WDR64: variants seen among roughly 807,000 people sequenced by gnomAD.
WDR64 encodes WD repeat-containing protein 64.
WDR64 carries 112 observed loss-of-function variants against 139.3 expected under a neutral mutation model. The ratio of observed to expected loss-of-function variants is 0.80; its 90% confidence interval spans 0.69 to 0.94. The LOEUF (loss-of-function observed/expected upper bound fraction) is 0.94, where lower values mean the gene tolerates loss of function less well. Ranked by LOEUF, WDR64 falls within the 40% of genes least tolerant of loss-of-function variation. WDR64 has a pLI of 0.00. For synonymous variants in WDR64, 444 were observed against 437.7 expected (o/e 1.01, Z -0.18); for missense variants, 1,206 against 1,293.1 (o/e 0.93, Z 1.03).
rs200109268 is a variant in WDR64, at chr1:241,789,903, T to C, written c.2892-688T>C. Among the ~76,000 whole-genome samples, 9 of 152,234 alleles carry C rather than the reference T, an allele frequency of 5.9e-5. No homozygotes were observed. In the East Asian group the frequency reaches 1.5e-3, roughly 26 times the overall value. ...TTAAATAAAAGTTAAAAAAAATAGTTATGACTTTCTAAATATATACATAAT... is the reference window on the plus strand; with the variant it reads ...TTAAATAAAAGTTAAAAAAAATAGTCATGACTTTCTAAATATATACATAAT... On this transcript the variant is annotated intron_variant, in intron 24 of 27. Transcript: ENST00000437684.
At chr1:241,655,158 G>C (rs569214853) in intron 1 of WDR64, among the ~76,000 whole-genome samples, 114 of 152,172 alleles carry the variant, frequency 7.5e-4, no homozygotes, top group Non-Finnish European at 1.3e-3. Flanking sequence ...GCCAAGGTGG[G>C]CGGATCACGA....
At chr1:241,766,188 T>C in intron 15 of WDR64, 30 bp from the exon 16 acceptor site, 1 of 1,610,002 alleles carries the variant, frequency 6.2e-7, no homozygotes, top group Non-Finnish European at 8.5e-7. Flanking sequence ...AATACTATAT[T>C]TATGGTGTTC....
At chr1:241,747,185 G>A (rs1358602655) in intron 13 of WDR64, among the ~76,000 whole-genome samples, 1 of 152,204 alleles carries the variant, frequency 6.6e-6, no homozygotes. Context: ...ATGAAGGTTA[G>A]CACAAGGAAG....
At chr1:241,775,491 T>C (rs1658627584) in intron 21 of WDR64, among the ~76,000 whole-genome samples, 1 of 152,200 alleles carries the variant, frequency 6.6e-6, no homozygotes, top group South Asian at 2.1e-4. Flanking sequence ...CTTACTTTTT[T>C]GGAAAAAATA....
At chr1:241,749,832 A>C in intron 14 of WDR64, 110 bp downstream of exon 14, 2 of 1,260,964 alleles carry the variant, frequency 1.6e-6, no homozygotes, top group Non-Finnish European at 1.1e-6. Flanking sequence ...CCAGCTGAAG[A>C]TGGTATTTAT....
chr1:241,770,089 G>A (rs567976975), intron 17 of WDR64, among the ~76,000 whole-genome samples: 1 of 152,316 alleles, frequency 6.6e-6, no homozygotes, highest in East Asian at 1.9e-4. Context: ...GTCACCCAGA[G>A]GTGAGCCAGA....
At chr1:241,691,961 C>T (rs534442649) in intron 8 of WDR64, among the ~76,000 whole-genome samples, 28 of 150,934 alleles carry the variant, frequency 1.9e-4, no homozygotes, top group African/African-American at 6.6e-4. Context: ...TGCCGTAAGC[C>T]GAGATTGTGC....
rs1574015704 is a variant in WDR64, at chr1:241,695,473, A to G, written c.974+7878A>G. Among the ~76,000 whole-genome samples the G allele has an allele frequency of 2.6e-5, 4 of 152,332 alleles. No homozygotes were observed. The South Asian group carries it at 8.3e-4, about 32-fold the overall frequency. On this transcript the variant is annotated intron_variant, in intron 8 of 27. Transcript: ENST00000437684. ...TGCAGCTGAATATTACACATTTACC[A>G]GCACATCATTACATGGGATGATAAT...
chr1:241,709,358 C>A (rs1668077576), intron 8 of WDR64, among the ~76,000 whole-genome samples: 1 of 152,064 alleles, frequency 6.6e-6, no homozygotes, highest in Non-Finnish European at 1.5e-5. Context: ...TTCATTCTTG[C>A]CCGAGGTCTA....
chr1:241,720,538 A>G (rs1362327544), intron 9 of WDR64, among the ~76,000 whole-genome samples: 1 of 152,006 alleles, frequency 6.6e-6, no homozygotes, highest in Non-Finnish European at 1.5e-5. Flanking sequence ...TTTGATTTGC[A>G]TTTCTCCAAT....
intron 24 of WDR64, 102 bp from the exon 25 acceptor site, chr1:241,790,489 C>T (rs1659183248): frequency 5.2e-6 from 5 of 952,798 alleles, no homozygotes; most frequent in Non-Finnish European, 7.9e-6. Flanking sequence ...GCCATAGGAA[C>T]CAAGAAATGT....
intron 8 of WDR64, among the ~76,000 whole-genome samples, chr1:241,690,856 T>C (rs1357847240): frequency 2.6e-5 from 4 of 152,258 alleles, no homozygotes; most frequent in East Asian, 1.9e-4. Context: ...TTATTTTTGT[T>C]ATTCTTAACT....
At chr1:241,757,649 G>GTTT (rs35256499) in intron 15 of WDR64, among the ~76,000 whole-genome samples, 190 bp downstream of exon 15, 49 of 95,188 alleles carry the variant, frequency 5.1e-4, no homozygotes, top group African/African-American at 6.9e-4. Context: ...CAATGGATTT[G>GTTT]TTTTTTTTTT....
In WDR64 at chr1:241,790,606, C is replaced by T; in HGVS notation, c.2907C>T (p.Ser969=). The change falls in exon 25 of 28, where the codon AGC becomes AGT. Residue 969 remains serine, a synonymous_variant. Transcript: ENST00000437684. The part of the protein sequence containing the change: ...IFDREKWRKM[S]SVSLLFKRTP... ...TTATATGCAGATGGAGAAAAATGAG[C>T]TCAGTGTCTCTACTTTTCAAACGCA... is the stretch of plus-strand genomic sequence containing the variant. 2 of 1,608,932 alleles carry T rather than the reference C, an allele frequency of 1.2e-6. No homozygotes were observed. Among genetic ancestry groups the T allele is most frequent in the South Asian group, 1.1e-5 (1 of 89,872 alleles).
intron 23 of WDR64, 71 bp from the exon 24 acceptor site, chr1:241,787,778 A>T: frequency 7.4e-7 from 1 of 1,346,018 alleles, no homozygotes; most frequent in Non-Finnish European, 1.0e-6. Context: ...TACATAAACG[A>T]TCTAATGAAC....
intron 15 of WDR64, among the ~76,000 whole-genome samples, chr1:241,762,537 G>A (rs1657962492): frequency 6.6e-6 from 1 of 151,908 alleles, no homozygotes; most frequent in Non-Finnish European, 1.5e-5. Context: ...TTTTTTTAAC[G>A]AGGATCTTCA....
intron 14 of WDR64, among the ~76,000 whole-genome samples, chr1:241,756,106 A>G (rs1670179223): frequency 6.6e-6 from 1 of 152,086 alleles, no homozygotes. Flanking sequence ...AAGAAAGTCA[A>G]TGGTAGTTTG....
At chr1:241,687,168 G>T (rs1184315270) in intron 7 of WDR64, among the ~76,000 whole-genome samples, 4 of 152,056 alleles carry the variant, frequency 2.6e-5, no homozygotes, top group African/African-American at 9.7e-5. Flanking sequence ...GCTGGGCATG[G>T]AGGTGCACAC....
rs1659550029 is a variant in WDR64 at position 241,802,338 on chromosome 1, GA to G, written c.*1126del. Among the ~76,000 whole-genome samples, 2 of 152,084 alleles carry G rather than the reference GA, an allele frequency of 1.3e-5. No individual in the cohort carries two copies. The highest frequency in any genetic ancestry group is 4.8e-5 in the African/African-American group (2 of 41,438). On this transcript the variant is annotated 3_prime_UTR_variant, in exon 28 of 28. Transcript: ENST00000437684. Reference sequence around the variant, plus strand: ...CCACGTTTATAAAATTCTACAACAGGAAAGACTAACACTCAGTTTAAAAAAT... The same window carrying G: ...CCACGTTTATAAAATTCTACAACAGGAAGACTAACACTCAGTTTAAAAAAT...
Sources: gnomAD v4.1 joint callset for allele counts (sites outside exome capture counted in the v4.1 genomes callset) on GRCh38, gnomAD v4.1.1 for gene constraint, MANE v1.5 for transcripts, NCBI Gene and HGNC (gene_info 2026-07-23, HGNC 2026-07-21) for gene names.